RHCG: variants seen among roughly 807,000 people sequenced by gnomAD.
RHCG encodes ammonium transporter Rh type C.
A neutral mutation model predicts 55.3 loss-of-function variants in RHCG; 39 were observed. That is an observed-to-expected ratio of 0.70 (90% CI 0.55 to 0.92). The LOEUF is 0.92. Ranked by LOEUF, RHCG falls within the 40% of genes least tolerant of loss-of-function variation. RHCG has a pLI of 0.00. For missense variants in RHCG, 635 were observed against 627.9 expected, an observed-to-expected ratio of 1.01 and a Z score of -0.12; for synonymous variants, 250 against 246.8, an observed-to-expected ratio of 1.01 and a Z score of -0.12.
rs376734193 is a variant in RHCG, at chr15:89,482,983, G to A, written c.522+84C>T. 6.7e-6 allele frequency: 9 copies of A among 1,336,852 alleles called. No homozygotes were observed. In the African/African-American group the frequency reaches 1.2e-4, roughly 17 times the overall value. The allele number at this position is 1,336,852 out of a possible 1,614,324, so 82.8% of individuals were successfully genotyped here. On this transcript the variant is annotated intron_variant, in intron 3 of 10. Coordinates refer to ENST00000268122, the MANE Select transcript of RHCG (RefSeq NM_016321.3). ...GTTAAGTGACTCGCCAGGCTGGCAT[G>A]TCTCCCCAGCTGTCTATTTCTCCAT... is the stretch of plus-strand genomic sequence containing the variant.
At chr15:89,492,540 CA>C (rs1482219854) in intron 1 of RHCG, among the ~76,000 whole-genome samples, 1 of 152,284 alleles carries the variant, frequency 6.6e-6, no homozygotes, top group South Asian at 2.1e-4. Flanking sequence ...GGGAGATGGT[CA>C]GGGGGCAGCA....
chr15:89,493,570 C>T (rs1484927339), intron 1 of RHCG, among the ~76,000 whole-genome samples: 5 of 152,180 alleles, frequency 3.3e-5, no homozygotes, highest in Non-Finnish European at 7.4e-5. Context: ...GATCCAGGAA[C>T]AGGGAAGGCA....
intron 1 of RHCG, 103 bp downstream of exon 1, chr15:89,496,258 G>T (rs1961563678): frequency 5.9e-6 from 7 of 1,191,832 alleles, no homozygotes; most frequent in Non-Finnish European, 8.4e-6. Flanking sequence ...GTCCGCGGCT[G>T]CAGGGTAGAT....
rs1373493575 is a variant in RHCG at position 89,477,628 on chromosome 15, A to G, written c.1001T>C (p.Ile334Thr). 13 of 1,613,920 alleles carry G rather than the reference A, an allele frequency of 8.1e-6. No homozygotes were observed. Among genetic ancestry groups the G allele is most frequent in the Non-Finnish European group, 1.1e-5 (13 of 1,180,024 alleles). ...ATTGTTAATGCCACATGTGTCCTGG[A>G]TGTGCAGCCGGGACTCCAGGAATGG... The part of the protein sequence containing the change: ...LTPFLESRLH[I>T]QDTCGINNLH... The change falls in exon 7 of 11, where the codon ATC becomes ACC. Residue 334 changes from isoleucine to threonine, a missense_variant. Physicochemically the swap from Ile to Thr is moderately conservative, Grantham distance 89. Coordinates refer to ENST00000268122, the MANE Select transcript of RHCG (RefSeq NM_016321.3). This position sits in a 1 kb window ranked among gnomAD's most constrained non-coding sequence, Gnocchi z 4.5.
chr15:89,476,996 T>C lies in RHCG; in HGVS notation c.1237+86A>G, dbSNP rs1019792824. 7 of 1,586,718 alleles carry C rather than the reference T, an allele frequency of 4.4e-6. No homozygotes were observed. The African/African-American group carries it at 8.1e-5, about 18-fold the overall frequency. ...ATCAGGGATTCCTGGGGGCTCAGGC[T>C]GACCTGTGCCGCATGCCCTTTGCTT... On this transcript the variant is annotated intron_variant, in intron 8 of 10. Coordinates refer to ENST00000268122, the MANE Select transcript of RHCG (RefSeq NM_016321.3).
intron 9 of RHCG, among the ~76,000 whole-genome samples, chr15:89,475,447 T>C (rs1300843190): frequency 6.6e-6 from 1 of 152,214 alleles, no homozygotes; most frequent in Admixed American, 6.5e-5. Flanking sequence ...GGTTTTGCCA[T>C]GTTGGCTAGG....
intron 1 of RHCG, among the ~76,000 whole-genome samples, chr15:89,493,099 C>T (rs936597656): frequency 3.9e-5 from 6 of 152,182 alleles, no homozygotes; most frequent in African/African-American, 1.2e-4. Context: ...TGGGTAAGCT[C>T]GTCCTTTATC....
chr15:89,472,453 C>T (rs939503322), intron 10 of RHCG, among the ~76,000 whole-genome samples: 26 of 152,118 alleles, frequency 1.7e-4, no homozygotes, highest in African/African-American at 6.3e-4. Context: ...GCCAAGTGTG[C>T]CCCCAGGTCT....
rs1961354541 is a variant in RHCG, at chr15:89,486,144, GT to G, written c.371+654del. On this transcript the variant is annotated intron_variant, in intron 2 of 10. Transcript: ENST00000268122. Reference sequence around the variant, plus strand: ...GAAGTGACAGTAGGGTGCTCCACCCGTGGAAGCTGAGGAGGGGGCAGGGCTT... The same window carrying G: ...GAAGTGACAGTAGGGTGCTCCACCCGGGAAGCTGAGGAGGGGGCAGGGCTT... 85 of 410,412 alleles carry G rather than the reference GT, an allele frequency of 2.1e-4. 3 individuals are homozygous for G. Among genetic ancestry groups the G allele is most frequent in the South Asian group, 1.5e-3 (84 of 57,024 alleles). 25.4% of individuals were successfully genotyped at this position (410,412 alleles called of 1,614,324 possible). A position where few individuals can be genotyped will look rare whatever the true frequency, so the allele number is the denominator to read the frequency against.
intron 1 of RHCG, 59 bp downstream of exon 1, chr15:89,496,302 G>C: frequency 6.3e-7 from 1 of 1,578,406 alleles, no homozygotes; most frequent in Non-Finnish European, 8.7e-7. Context: ...CCGAGCCCTT[G>C]GCCAGGTGGG....
At chr15:89,489,049 G>T (rs772966814) in intron 1 of RHCG, among the ~76,000 whole-genome samples, 25 of 152,134 alleles carry the variant, frequency 1.6e-4, no homozygotes, top group Non-Finnish European at 3.1e-4. Flanking sequence ...GTGTGTATGT[G>T]CGTGTGCATC....
intron 2 of RHCG, 80 bp downstream of exon 2, chr15:89,486,719 A>T: frequency 6.8e-7 from 1 of 1,467,706 alleles, no homozygotes; most frequent in South Asian, 1.3e-5. Context: ...GCCGATGGGC[A>T]CGCCCTCCTC....
intron 4 of RHCG, 105 bp from the exon 5 acceptor site, chr15:89,479,593 A>C: frequency 3.8e-6 from 4 of 1,055,014 alleles, no homozygotes; most frequent in Non-Finnish European, 5.4e-6. Context: ...ATGACCCCAC[A>C]CCCAGCTGTT....
At chr15:89,489,025 G>A (rs931176238) in intron 1 of RHCG, among the ~76,000 whole-genome samples, 1 of 152,166 alleles carries the variant, frequency 6.6e-6, no homozygotes, top group African/African-American at 2.4e-5. Flanking sequence ...AAGCACACAT[G>A]TGTATGTGTG....
At chr15:89,475,889 T>G (rs971150992) in intron 9 of RHCG, among the ~76,000 whole-genome samples, 2 of 152,184 alleles carry the variant, frequency 1.3e-5, no homozygotes, top group African/African-American at 4.8e-5. Context: ...GTGCTTAGAC[T>G]TGTTTGTCAT....
chr15:89,492,846 C>T (rs1026243690), intron 1 of RHCG, among the ~76,000 whole-genome samples: 2 of 152,226 alleles, frequency 1.3e-5, no homozygotes, highest in Non-Finnish European at 2.9e-5. Context: ...GGAAGGAGCA[C>T]TTACTCCCTT....
In RHCG at chr15:89,483,146, G is replaced by A. The variant is rs200994578; in HGVS notation, c.443C>T (p.Pro148Leu). The change falls in exon 3 of 11, where the codon CCC becomes CTC. Residue 148 changes from proline (P) to leucine (L), a missense_variant. Coordinates refer to ENST00000268122, the MANE Select transcript of RHCG (RefSeq NM_016321.3). The stretch of plus-strand genomic sequence containing the variant: ...GAAAGTCATGATGAGCAGCTGAATG[G>A]GGCTGACTTTACCCAGAACTGCCCC... ...AFGAVLGKVS[P>L]IQLLIMTFFQ... is the part of the protein sequence containing the mutation. 1.2e-6 allele frequency: 2 copies of A among 1,607,588 alleles called. No homozygotes were observed. The highest frequency in any genetic ancestry group is 1.7e-6 in the Non-Finnish European group (2 of 1,174,726).
chr15:89,479,797 T>A, intron 4 of RHCG: 3 of 417,404 alleles, frequency 7.2e-6, no homozygotes, highest in Non-Finnish European at 1.3e-5. Flanking sequence ...ATCCTCCACA[T>A]GGCACTGCTT....
chr15:89,487,288 C>T (rs981927253), intron 1 of RHCG, among the ~76,000 whole-genome samples: 12 of 152,184 alleles, frequency 7.9e-5, no homozygotes, highest in Non-Finnish European at 1.5e-4. Flanking sequence ...GGCTGTAGTG[C>T]CAAGAGATTC....
Sources: gnomAD v4.1 joint callset for allele counts (sites outside exome capture counted in the v4.1 genomes callset) on GRCh38, gnomAD v4.1.1 for gene constraint, Gnocchi (gnomAD v3.1) non-coding constraint, MANE v1.5 for transcripts, NCBI Gene and HGNC (gene_info 2026-07-23, HGNC 2026-07-21) for gene names.